Variants in KMT2E observed in about 807,000 individuals in gnomAD.
KMT2E encodes the protein lysine methyltransferase 2E (inactive).
In KMT2E, 30 loss-of-function variants were observed where a neutral mutation model predicts 184.6. The ratio of observed to expected loss-of-function variants is 0.16; its 90% CI spans 0.12 to 0.22. The LOEUF is 0.22. Ranked by LOEUF, KMT2E falls within the 10% of genes least tolerant of loss-of-function variation. KMT2E has a pLI of 1.00. For missense variants in KMT2E, 2,023 were observed against 2,237.4 expected, an observed-to-expected ratio of 0.90 and a Z score of 1.93; for synonymous variants, 815 against 776.5, an observed-to-expected ratio of 1.05 and a Z score of -0.82.
At chr7:105,034,827 T>C (rs1354655040) in intron 1 of KMT2E, among the ~76,000 whole-genome samples, 3 of 142,246 alleles carry the variant, frequency 2.1e-5, no homozygotes, top group South Asian at 2.3e-4. Context: ...TTAAATAGTA[T>C]GTAACTTTTT....
At chr7:105,077,243 T>G (rs1346626631) in intron 10 of KMT2E, 50 bp downstream of exon 10, 2 of 1,602,082 alleles carry the variant, frequency 1.2e-6, no homozygotes, top group Non-Finnish European at 1.7e-6. Context: ...ATATTGTGAA[T>G]TTTTAGTTAA....
intron 3 of KMT2E, among the ~76,000 whole-genome samples, chr7:105,048,390 A>G (rs1796191707): frequency 6.6e-6 from 1 of 152,106 alleles, no homozygotes; most frequent in Admixed American, 6.6e-5. Context: ...ATTCAGCCAA[A>G]TGAAGGATTA....
chr7:105,090,126 A>T lies in KMT2E; in HGVS notation c.1476A>T (p.Gly492=). The change falls in exon 14 of 27, where the codon GGA becomes GGT. Residue 492 remains glycine, a synonymous_variant. Coordinates refer to ENST00000311117, the MANE Select transcript of KMT2E (RefSeq NM_182931.3). The part of the protein sequence containing the change: ...NSGYETRRKK[G]KKDKDISKEK... ...GTTATGAGACCAGACGGAAAAAAGGAAAAAAAGACAAAGATATTTCAAAAG... is the reference window on the plus strand; with the variant it reads ...GTTATGAGACCAGACGGAAAAAAGGTAAAAAAGACAAAGATATTTCAAAAG... 1 of 1,613,342 alleles carries T rather than the reference A, an allele frequency of 6.2e-7. No individual in the cohort carries two copies. Among genetic ancestry groups the T allele is most frequent in the Non-Finnish European group, 8.5e-7 (1 of 1,179,598 alleles).
At chr7:105,043,163 A>C (rs966578273) in intron 3 of KMT2E, among the ~76,000 whole-genome samples, 1 of 151,996 alleles carries the variant, frequency 6.6e-6, no homozygotes, top group South Asian at 2.1e-4. Context: ...TTTTCTCTAA[A>C]TGCCTCCTCA....
Position 105,062,150 on chromosome 7 carries a change from CT to C in KMT2E, c.72-9del. Reference sequence around the variant, plus strand: ...AAGAATGGAATTCTCTTTGATGCAACTTTTTCCCCCCAGACCAGAATCCGTA... The same window carrying C: ...AAGAATGGAATTCTCTTTGATGCAACTTTTCCCCCCAGACCAGAATCCGTA... On this transcript the variant is annotated splice_polypyrimidine_tract_variant and intron_variant, in intron 3 of 26. Coordinates refer to ENST00000311117, the MANE Select transcript of KMT2E (RefSeq NM_182931.3). 2.6e-6 allele frequency: 4 copies of C among 1,543,796 alleles called. No homozygotes were observed. Among genetic ancestry groups the C allele is most frequent in the Admixed American group, 1.8e-5 (1 of 56,934 alleles).
At chr7:105,086,391 A>G (rs1177929758) in intron 13 of KMT2E, among the ~76,000 whole-genome samples, 2 of 152,162 alleles carry the variant, frequency 1.3e-5, no homozygotes, top group East Asian at 3.9e-4. Flanking sequence ...CAGTTTCCTA[A>G]GTAATTTATT....
chr7:105,074,755 T>A lies in KMT2E; in HGVS notation c.669T>A (p.Val223=). ...ITLTASRVSK[V]NDKRRKKSGE... is the part of the protein sequence containing the mutation. ...TAACTGCTTCAAGAGTTTCCAAAGTTAATGATAAAAGAAGGAAAAAAAGCG... is the reference window on the plus strand; with the variant it reads ...TAACTGCTTCAAGAGTTTCCAAAGTAAATGATAAAAGAAGGAAAAAAAGCG... Residue 223 remains valine, a synonymous_variant, in exon 8 of 27, where the codon GTT becomes GTA. Coordinates refer to ENST00000311117, the MANE Select transcript of KMT2E (RefSeq NM_182931.3). 1 of 1,610,150 alleles carries A rather than the reference T, an allele frequency of 6.2e-7. No individual in the cohort carries two copies. The highest frequency in any genetic ancestry group is 1.1e-5 in the South Asian group (1 of 90,144).
chr7:105,096,277 T>C (rs951493234), intron 15 of KMT2E, among the ~76,000 whole-genome samples: 2 of 148,406 alleles, frequency 1.3e-5, no homozygotes, highest in African/African-American at 2.5e-5. Flanking sequence ...AAAAAGACAC[T>C]TCCTCCCCCA....
In KMT2E at chr7:105,062,411, T is replaced by C. The variant is rs527734337; in HGVS notation, c.186+133T>C. The C allele has an allele frequency of 4.0e-5, 22 of 549,028 alleles. No individual in the cohort carries two copies. In the East Asian group the frequency reaches 5.1e-4, roughly 13 times the overall value. 34.0% of individuals were successfully genotyped at this position (549,028 alleles called of 1,614,324 possible). On this transcript the variant is annotated intron_variant, in intron 4 of 26. Transcript: ENST00000311117. Reference sequence around the variant, plus strand: ...CATACTATCAAAATAATTAGGCGTTTAATTTTTCATTAACCATTAAGCGAT... The same window carrying C: ...CATACTATCAAAATAATTAGGCGTTCAATTTTTCATTAACCATTAAGCGAT...
chr7:105,070,160 G>T (rs542912948), intron 6 of KMT2E, among the ~76,000 whole-genome samples: 1 of 151,658 alleles, frequency 6.6e-6, no homozygotes. Flanking sequence ...ACAGGTTTTT[G>T]TGTGAACCTA....
chr7:105,029,247 CT>C (rs964563490), intron 1 of KMT2E, among the ~76,000 whole-genome samples: 5 of 152,030 alleles, frequency 3.3e-5, no homozygotes, highest in Non-Finnish European at 5.9e-5. Context: ...AAAAAAAACA[CT>C]ACTTGAAGGT....
intron 2 of KMT2E, among the ~76,000 whole-genome samples, chr7:105,040,562 A>G (rs940018525): frequency 1.3e-5 from 2 of 152,196 alleles, no homozygotes; most frequent in African/African-American, 4.8e-5. Context: ...AAGAAATTAC[A>G]TTTTATCTTT....
chr7:105,079,511 C>CTTTTTTTTTTTTTTTTT lies in KMT2E; in HGVS notation c.1248+562_1248+578dup, dbSNP rs66734303. On this transcript the variant is annotated intron_variant, in intron 12 of 26. Coordinates refer to ENST00000311117, the MANE Select transcript of KMT2E (RefSeq NM_182931.3). ...CTTATAAGAGGAAATATTGGACTTC[C>CTTTTTTTTTTTTTTTTT]TTTTTTTTTTTTTTTTTTTTTTTTT... 9.6e-5 allele frequency among the ~76,000 whole-genome samples: 6 copies of CTTTTTTTTTTTTTTTTT among 62,336 alleles called. 1 individual carries two copies. In the East Asian group the frequency reaches 2.3e-3, roughly 24 times the overall value. 40.9% of individuals were successfully genotyped at this position (62,336 alleles called of 152,430 possible).
chr7:105,042,970 A>T (rs1362461272), intron 3 of KMT2E, among the ~76,000 whole-genome samples: 2 of 152,162 alleles, frequency 1.3e-5, no homozygotes, highest in African/African-American at 4.8e-5. Context: ...TAACACTCAA[A>T]GGGAAAATTA....
intron 3 of KMT2E, among the ~76,000 whole-genome samples, chr7:105,058,878 A>T (rs1796680577): frequency 6.6e-6 from 1 of 152,148 alleles, no homozygotes; most frequent in Non-Finnish European, 1.5e-5. Flanking sequence ...TCTTTTTTGG[A>T]TTCAGTGATT....
At position 105,107,887 on chromosome 7, in the gene KMT2E, G is replaced by A. The variant is rs747051315; in HGVS notation, c.3430G>A (p.Gly1144Arg). The A allele has an allele frequency of 3.1e-6, 5 of 1,613,576 alleles. No individual in the cohort carries two copies. The highest frequency in any genetic ancestry group is 2.2e-5 in the East Asian group (1 of 44,858). The change falls in exon 22 of 27, where the codon GGG becomes AGG. Residue 1144 changes from glycine (G) to arginine (R), a missense_variant. Coordinates refer to ENST00000311117, the MANE Select transcript of KMT2E (RefSeq NM_182931.3). ...GRTVNDNLID[G>R]NCTPQNPPQK... ...GACTGTTAATGACAATTTGATCGAC[G>A]GGAATTGCACACCCCAGAATCCACC...
chr7:105,091,648 C>T, intron 15 of KMT2E: 2 of 402,126 alleles, frequency 5.0e-6, no homozygotes, highest in Non-Finnish European at 8.8e-6. Context: ...AATGTATCCT[C>T]TCATGATTTG....
intron 15 of KMT2E, among the ~76,000 whole-genome samples, chr7:105,097,999 A>G (rs994853345): frequency 6.6e-6 from 1 of 152,142 alleles, no homozygotes; most frequent in Non-Finnish European, 1.5e-5. Context: ...ATGAGTATAA[A>G]TTCCATCATC....
chr7:105,049,184 C>G (rs1341712587), intron 3 of KMT2E, among the ~76,000 whole-genome samples: 4 of 152,064 alleles, frequency 2.6e-5, no homozygotes, highest in Non-Finnish European at 5.9e-5. Context: ...GTGGCTCACA[C>G]CTGTATTCCT....
Sources: gnomAD v4.1 joint callset for allele counts (sites outside exome capture counted in the v4.1 genomes callset) on GRCh38, gnomAD v4.1.1 for gene constraint, MANE v1.5 for transcripts, NCBI Gene and HGNC (gene_info 2026-07-23, HGNC 2026-07-21) for gene names.